The following SLC30A6 variants were observed in gnomAD, a reference collection of about 807,000 sequenced individuals.
The protein encoded by SLC30A6 is solute carrier family 30 member 6, also known as zinc transporter 6.
A neutral mutation model predicts 63.0 loss-of-function variants in SLC30A6; 55 were observed. The observed-to-expected ratio is 0.87, with a 90% confidence interval of 0.70 to 1.09. The LOEUF is 1.09. SLC30A6 is among the 50% of genes least tolerant of loss of function. The probability of loss-of-function intolerance (pLI) is 0.00; values close to 1 mark genes in which losing one functional copy is unlikely to be tolerated. For synonymous variants in SLC30A6, 224 were observed against 186.1 expected (o/e 1.20, Z -1.66); for missense variants, 587 against 549.2 (o/e 1.07, Z -0.69).
chr2:32,217,847 T>C (rs542892933), intron 13 of SLC30A6, among the ~76,000 whole-genome samples: 3 of 151,836 alleles, frequency 2.0e-5, no homozygotes, highest in African/African-American at 7.2e-5. Flanking sequence ...TTGAATTCTT[T>C]TTTTTTTTTT....
At chr2:32,197,282 A>T in intron 8 of SLC30A6, 62 bp from the exon 9 acceptor site, 1 of 1,432,798 alleles carries the variant, frequency 7.0e-7, no homozygotes, top group Non-Finnish European at 9.4e-7. Flanking sequence ...AAGAACTCAA[A>T]TATTTCAGGT....
intron 10 of SLC30A6, chr2:32,203,636 G>T: frequency 6.4e-7 from 1 of 1,572,822 alleles, no homozygotes; most frequent in Non-Finnish European, 8.7e-7. Flanking sequence ...AGAAAGCTGA[G>T]TAGTAATGCA....
chr2:32,216,035 CTT>C (rs201892690), intron 13 of SLC30A6, among the ~76,000 whole-genome samples: 2 of 152,194 alleles, frequency 1.3e-5, no homozygotes, highest in East Asian at 3.9e-4. Context: ...GTACATGTGT[CTT>C]TTTGGTAGAA....
chr2:32,175,590 G>T (rs1199827719), intron 4 of SLC30A6, among the ~76,000 whole-genome samples: 4 of 151,458 alleles, frequency 2.6e-5, no homozygotes, highest in Non-Finnish European at 5.9e-5. Flanking sequence ...AGATTATGAA[G>T]AAGTTTTCTT....
intron 13 of SLC30A6, 92 bp from the exon 14 acceptor site, chr2:32,220,121 C>T: frequency 7.1e-7 from 1 of 1,415,876 alleles, no homozygotes; most frequent in South Asian, 1.5e-5. Context: ...ATGCCAGGAA[C>T]TTACCAAATC....
rs1270730623 is a variant in SLC30A6 at position 32,192,364 on chromosome 2, T to TC, written c.313_314insC (p.Phe105SerfsTer54). On this transcript the variant is annotated frameshift_variant, in exon 6 of 14. Transcript: ENST00000282587. LOFTEE classifies it high-confidence loss of function. ...TGAAAGATTAGAAGTCCTGGCTGTA[T>TC]TTGCCTCCACAGTCTTGGCACAGTT... The TC allele has an allele frequency of 2.5e-6, 4 of 1,613,968 alleles. No individual in the cohort carries two copies. In the African/African-American group the frequency reaches 4.0e-5, roughly 16 times the overall value.
At chr2:32,208,329 C>T (rs1411221503) in intron 12 of SLC30A6, among the ~76,000 whole-genome samples, 3 of 152,052 alleles carry the variant, frequency 2.0e-5, no homozygotes, top group Admixed American at 1.3e-4. Flanking sequence ...CGAGGTTTCA[C>T]CATGTTGGCC....
At chr2:32,211,258 C>T (rs533947071) in intron 13 of SLC30A6, among the ~76,000 whole-genome samples, 2 of 152,320 alleles carry the variant, frequency 1.3e-5, no homozygotes, top group South Asian at 4.1e-4. Flanking sequence ...CACCACACTA[C>T]ACTTCTTTAA....
intron 12 of SLC30A6, among the ~76,000 whole-genome samples, chr2:32,208,590 A>ATT (rs1031366144): frequency 7.0e-6 from 1 of 143,298 alleles, no homozygotes. Context: ...AAATGCTGTG[A>ATT]TTTTTTTTTT....
At chr2:32,220,173 A>G (rs1056097944) in intron 13 of SLC30A6, 40 bp from the exon 14 acceptor site, 1 of 1,574,850 alleles carries the variant, frequency 6.3e-7, no homozygotes, top group Admixed American at 1.8e-5. Context: ...TGTTAGTATA[A>G]TTCTAAGCAA....
rs538076988 is a variant in SLC30A6 at position 32,202,786 on chromosome 2, G to A, written c.666-1804G>A. 1.9e-4 allele frequency: 137 copies of A among 727,022 alleles called. 3 individuals are homozygous for A. Among genetic ancestry groups the A allele is most frequent in the South Asian group, 1.4e-3 (90 of 66,040 alleles). 45.0% of individuals were successfully genotyped at this position (727,022 alleles called of 1,614,324 possible). On this transcript the variant is annotated intron_variant, in intron 10 of 13. Coordinates refer to ENST00000282587, the MANE Select transcript of SLC30A6 (RefSeq NM_017964.5). ...CAGACTTTACTTTTTTCTGCAGCTC[G>A]CCCACAGTGGGTATGCAAAGTTGCA...
At chr2:32,174,201 A>T in intron 3 of SLC30A6, 54 bp downstream of exon 3, 1 of 1,339,012 alleles carries the variant, frequency 7.5e-7, no homozygotes, top group South Asian at 1.2e-5. Context: ...TATTTTTCTC[A>T]TTGGAAATAA....
intron 12 of SLC30A6, among the ~76,000 whole-genome samples, chr2:32,208,145 T>G (rs1174945155): frequency 6.6e-6 from 1 of 151,330 alleles, no homozygotes; most frequent in African/African-American, 2.4e-5. Flanking sequence ...TTTTTGTTTT[T>G]TTTGAGACTG....
chr2:32,201,651 G>A, intron 10 of SLC30A6: 1 of 1,512,760 alleles, frequency 6.6e-7, no homozygotes, highest in Non-Finnish European at 9.0e-7. Context: ...AGCACCCTTG[G>A]AGGAGTCCGA....
intron 5 of SLC30A6, chr2:32,187,109 G>A (rs1321081819): frequency 2.1e-6 from 1 of 466,822 alleles, no homozygotes; most frequent in Non-Finnish European, 4.4e-6. Flanking sequence ...AACTGGCGCA[G>A]GCACTAGACC....
chr2:32,198,784 A>T (rs972749607), intron 10 of SLC30A6, among the ~76,000 whole-genome samples: 6 of 152,096 alleles, frequency 3.9e-5, no homozygotes, highest in East Asian at 1.9e-4. Context: ...AGGTTTTGCC[A>T]TGTTGGCCAG....
chr2:32,208,576 G>A (rs1348012246), intron 12 of SLC30A6, among the ~76,000 whole-genome samples: 3 of 152,084 alleles, frequency 2.0e-5, no homozygotes, highest in Admixed American at 6.6e-5. Flanking sequence ...CACTGTGCCC[G>A]GTCAAATGCT....
chr2:32,171,259 T>G, intron 1 of SLC30A6, 28 bp from the exon 2 acceptor site: 7 of 1,580,256 alleles, frequency 4.4e-6, no homozygotes, highest in Non-Finnish European at 6.1e-6. Flanking sequence ...AATATCTAAA[T>G]GCTGATTTGT....
chr2:32,174,555 T>TA (rs1681547293), intron 3 of SLC30A6, among the ~76,000 whole-genome samples: 1 of 142,268 alleles, frequency 7.0e-6, no homozygotes, highest in Non-Finnish European at 1.5e-5. Context: ...GAGATTTTTT[T>TA]TTTTTTTTTT....
Sources: allele counts gnomAD v4.1 joint callset (sites outside exome capture counted in the v4.1 genomes callset), GRCh38; gene constraint gnomAD v4.1.1; transcripts MANE v1.5; gene names NCBI Gene and HGNC (gene_info 2026-07-23, HGNC 2026-07-21).